The following RMDN2 variants were observed in gnomAD, a reference collection of about 807,000 sequenced individuals.
RMDN2 encodes regulator of microtubule dynamics 2, also known as regulator of microtubule dynamics protein 2.
In RMDN2, 61 loss-of-function variants were observed where a neutral mutation model predicts 52.8. That is an observed-to-expected ratio of 1.16 (90% CI 0.94 to 1.43). The LOEUF (loss-of-function observed/expected upper bound fraction) is 1.43, where lower values mean the gene tolerates loss of function less well. Among genes scored for constraint, RMDN2 ranks in the 40% most tolerant of loss-of-function variants. RMDN2 has a pLI of 0.00. For synonymous variants in RMDN2, 180 were observed against 153.1 expected (o/e 1.18, Z -1.30); for missense variants, 592 against 475.3 (o/e 1.25, Z -2.28).
intron 10 of RMDN2, among the ~76,000 whole-genome samples, chr2:38,063,151 T>G (rs1410590451): frequency 6.6e-6 from 1 of 152,316 alleles, no homozygotes; most frequent in East Asian, 1.9e-4. Flanking sequence ...GATTGCTGGG[T>G]CAAATGGTAT....
rs114898179 is a variant in RMDN2, at chr2:38,057,110, C to T, written c.1714-9872C>T. On this transcript the variant is annotated intron_variant, in intron 10 of 10. Coordinates refer to the RMDN2 transcript ENST00000234195. ...GATGTACATAGAAGTGATTTGTCAACCATAAAGTGCTTTAGAAACATGAAG... is the reference window on the plus strand; with the variant it reads ...GATGTACATAGAAGTGATTTGTCAATCATAAAGTGCTTTAGAAACATGAAG... 9.6e-3 allele frequency among the ~76,000 whole-genome samples: 1,455 copies of T among 152,280 alleles called. 22 individuals are homozygous for T. Among genetic ancestry groups the T allele is most frequent in the African/African-American group, 0.033 (1,378 of 41,538 alleles).
At chr2:37,951,950 A>G (rs148126266) in intron 2 of RMDN2, 82 of 1,613,470 alleles carry the variant, frequency 5.1e-5, no homozygotes, top group Non-Finnish European at 6.4e-5. Context: ...GTAAAGATTT[A>G]AAAGATTTCC....
intron 2 of RMDN2, chr2:37,952,601 A>G (rs1668976705): frequency 7.6e-6 from 2 of 261,514 alleles, no homozygotes; most frequent in East Asian, 6.6e-5. Flanking sequence ...AATCATTAGA[A>G]ATAGTATTCT....
chr2:37,999,783 G>A (rs1406500452), intron 8 of RMDN2, among the ~76,000 whole-genome samples: 1 of 151,992 alleles, frequency 6.6e-6, no homozygotes, highest in East Asian at 1.9e-4. Context: ...GTTCACAGGG[G>A]CCAGGAATGT....
chr2:37,975,221 G>T lies in RMDN2; in HGVS notation c.637G>T (p.Glu213Ter). Residue 213 changes from glutamate (E) to a stop codon, truncating the protein, a stop_gained, in exon 4 of 11, where the codon GAA (glutamate) becomes TAA (stop). Transcript: ENST00000354545. LOFTEE classifies it high-confidence loss of function. ...CATCTTTTCTTTTCAGTTTAGAGAT[G>T]AAATAGAGTTTATGTGGCGATTTGC... is the stretch of plus-strand genomic sequence containing the variant. ...LRDHKEKFRD[E>*]IEFMWRFARA... The T allele has an allele frequency of 6.3e-7, 1 of 1,593,390 alleles. No homozygotes were observed. The highest frequency in any genetic ancestry group is 8.6e-7 in the Non-Finnish European group (1 of 1,161,390).
chr2:38,034,157 A>T (rs1230625312), intron 10 of RMDN2, among the ~76,000 whole-genome samples: 4 of 152,228 alleles, frequency 2.6e-5, no homozygotes, highest in Non-Finnish European at 2.9e-5. Flanking sequence ...TTAGGAGGTC[A>T]GGTTTCTTCC....
chr2:37,938,786 C>T (rs1393951867), intron 2 of RMDN2, among the ~76,000 whole-genome samples: 1 of 152,106 alleles, frequency 6.6e-6, no homozygotes. Context: ...AGTCTTCTCT[C>T]CTTTCTTCTT....
intron 10 of RMDN2, among the ~76,000 whole-genome samples, chr2:38,023,847 C>A: frequency 6.6e-6 from 1 of 152,046 alleles, no homozygotes; most frequent in Non-Finnish European, 1.5e-5. Flanking sequence ...TAAATTTTGA[C>A]GTGTACACCC....
intron 8 of RMDN2, among the ~76,000 whole-genome samples, chr2:37,999,938 C>T (rs926397664): frequency 1.8e-4 from 27 of 152,068 alleles, no homozygotes; most frequent in African/African-American, 6.0e-4. Flanking sequence ...ATTCTTCATC[C>T]GTGAAATGGC....
downstream of RMDN2, among the ~76,000 whole-genome samples, chr2:38,020,612 AGCCGGCCCTGCCGGCC>A (rs1679279536): frequency 1.3e-5 from 2 of 152,200 alleles, no homozygotes; most frequent in Admixed American, 6.5e-5. Context: ...GGGAGCGGCC[AGCCGGCCCTGCCGGCC>A]CAGGCAATGA....
chr2:38,018,568 G>A (rs919990197), downstream of RMDN2, among the ~76,000 whole-genome samples: 2 of 152,142 alleles, frequency 1.3e-5, no homozygotes, highest in African/African-American at 2.4e-5. Flanking sequence ...AAATGTTATA[G>A]GCAACGGCAC....
At chr2:37,980,688 C>G (rs529318809) in intron 4 of RMDN2, among the ~76,000 whole-genome samples, 1 of 152,196 alleles carries the variant, frequency 6.6e-6, no homozygotes, top group South Asian at 2.1e-4. Context: ...TGGCCCTGTT[C>G]ATTATTGTGA....
At chr2:38,006,356 G>A (rs902101127) in intron 10 of RMDN2, among the ~76,000 whole-genome samples, 8 of 152,144 alleles carry the variant, frequency 5.3e-5, no homozygotes, top group Non-Finnish European at 1.0e-4. Flanking sequence ...TCTTCCATTT[G>A]TTTGTATCCT....
intron 10 of RMDN2, among the ~76,000 whole-genome samples, chr2:38,059,840 A>ACTT (rs1320249129): frequency 6.6e-6 from 1 of 152,080 alleles, no homozygotes; most frequent in African/African-American, 2.4e-5. Context: ...CTGAAGAAGA[A>ACTT]GGACAGGGTT....
At chr2:37,933,578 C>T (rs1489307756) in intron 2 of RMDN2, among the ~76,000 whole-genome samples, 7 of 152,262 alleles carry the variant, frequency 4.6e-5, no homozygotes, top group Non-Finnish European at 8.8e-5. Context: ...GAGACCAGCC[C>T]GGCCAACACA....
chr2:37,923,819 G>A (rs1666100172), upstream of RMDN2, among the ~76,000 whole-genome samples: 1 of 152,080 alleles, frequency 6.6e-6, no homozygotes, highest in South Asian at 2.1e-4. Context: ...GCCCGATCTC[G>A]GCTCACTGCA....
At chr2:37,959,572 TA>T (rs2125006767) in intron 2 of RMDN2, among the ~76,000 whole-genome samples, 1 of 150,800 alleles carries the variant, frequency 6.6e-6, no homozygotes, top group Non-Finnish European at 1.5e-5. Flanking sequence ...GCTAGCGATC[TA>T]TTTTGTTGAT....
At chr2:38,025,428 A>G (rs1367405769) in intron 10 of RMDN2, among the ~76,000 whole-genome samples, 1 of 152,092 alleles carries the variant, frequency 6.6e-6, no homozygotes, top group Admixed American at 6.6e-5. Context: ...TTGTGTATAA[A>G]GACAGTTTTA....
At chr2:37,925,234 G>C (rs530381448), upstream of RMDN2, 7 of 152,466 alleles carry the variant, frequency 4.6e-5, no homozygotes, top group East Asian at 1.4e-3. Context: ...GAGGGAGAGG[G>C]GGCGGGAGCG....
Sources: gnomAD v4.1 joint callset for allele counts (sites outside exome capture counted in the v4.1 genomes callset) on GRCh38, gnomAD v4.1.1 for gene constraint, MANE v1.5 for transcripts, NCBI Gene and HGNC (gene_info 2026-07-23, HGNC 2026-07-21) for gene names.